Variants in PAPOLA observed in about 807,000 individuals in gnomAD.
PAPOLA encodes polynucleotide adenylyltransferase alpha.
PAPOLA carries 15 observed loss-of-function variants against 100.6 expected under a neutral mutation model. That is an observed-to-expected ratio of 0.15 (90% CI 0.10 to 0.23). The LOEUF (loss-of-function observed/expected upper bound fraction) is 0.23. PAPOLA is among the 10% of genes least tolerant of loss of function. The pLI, the probability that PAPOLA is intolerant of heterozygous loss-of-function variation, is 1.00. For missense variants in PAPOLA, 533 were observed against 884.2 expected, an observed-to-expected ratio of 0.60 and a Z score of 5.04; for synonymous variants, 293 against 300.0, an observed-to-expected ratio of 0.98 and a Z score of 0.24.
chr14:96,538,689 T>C (rs1409357668), intron 12 of PAPOLA, among the ~76,000 whole-genome samples: 1 of 152,038 alleles, frequency 6.6e-6, no homozygotes, highest in Non-Finnish European at 1.5e-5. Context: ...TATTTATATT[T>C]TTAATTGTTC....
chr14:96,567,004 GTTTGC>G lies in PAPOLA; in HGVS notation c.*1959_*1963del, dbSNP rs1442537062. The G allele has an allele frequency of 6.6e-6, 1 of 152,416 alleles. No individual in the cohort carries two copies. Among genetic ancestry groups the G allele is most frequent in the Non-Finnish European group, 1.5e-5 (1 of 67,980 alleles). 9.4% of individuals were successfully genotyped at this position (152,416 alleles called of 1,614,324 possible). A position where few individuals can be genotyped will look rare whatever the true frequency, so the allele number is the denominator to read the frequency against. On this transcript the variant is annotated 3_prime_UTR_variant, in exon 22 of 22. Coordinates refer to ENST00000216277, the MANE Select transcript of PAPOLA (RefSeq NM_032632.5). ...ATGTATGTAGTGTCTCATGACTGGA[GTTTGC>G]TTTGTTTTATAGTATCTGTACTCCT...
chr14:96,566,722 A>ATTCT lies in PAPOLA; in HGVS notation c.*1672_*1673insTTCT, dbSNP rs1902302970. Reference sequence around the variant, plus strand: ...TGCCCTTCCTTCCACCACCGAAGAAAAAAGATGGTCATACTAACAGGTGAA... The same window carrying ATTCT: ...TGCCCTTCCTTCCACCACCGAAGAAATTCTAAAGATGGTCATACTAACAGGTGAA... On this transcript the variant is annotated 3_prime_UTR_variant, in exon 22 of 22. Coordinates refer to ENST00000216277, the MANE Select transcript of PAPOLA (RefSeq NM_032632.5). 1 of 152,688 alleles carries ATTCT rather than the reference A, an allele frequency of 6.5e-6. No homozygotes were observed. Among genetic ancestry groups the ATTCT allele is most frequent in the East Asian group, 1.9e-4 (1 of 5,186 alleles). 9.5% of individuals were successfully genotyped at this position (152,688 alleles called of 1,614,324 possible).
chr14:96,560,658 A>G lies in PAPOLA; in HGVS notation c.2014A>G (p.Ser672Gly), dbSNP rs1286007733. The G allele has an allele frequency of 2.5e-6, 4 of 1,604,746 alleles. No homozygotes were observed. Among genetic ancestry groups the G allele is most frequent in the Non-Finnish European group, 3.4e-6 (4 of 1,173,928 alleles). Residue 672 changes from serine to glycine, a missense_variant, in exon 20 of 22, where the codon AGT (serine) becomes GGT (glycine). Around this residue, in one of 9 missense-constraint regions of PAPOLA, gnomAD observed 242 missense variants for 281.0 expected, o/e 0.86. Transcript: ENST00000216277. ...TTTTTTTTAAAAACAGGATGAAACA[A>G]GTGAAGATGCTAACTGTCTTGCTTT... ...KKTKTEEDET[S>G]EDANCLALSG...
intron 21 of PAPOLA, among the ~76,000 whole-genome samples, chr14:96,564,126 T>C (rs1902093749): frequency 6.6e-6 from 1 of 152,060 alleles, no homozygotes; most frequent in African/African-American, 2.4e-5. Context: ...GGCGTACTTA[T>C]TTCTGGGGAG....
intron 1 of PAPOLA, among the ~76,000 whole-genome samples, chr14:96,507,212 A>C (rs1896774510): frequency 6.6e-6 from 1 of 152,112 alleles, no homozygotes; most frequent in African/African-American, 2.4e-5. Context: ...TGGTTTAGCC[A>C]GAATTAAAGA....
chr14:96,531,537 T>C lies in PAPOLA; in HGVS notation c.558T>C (p.Asp186=), dbSNP rs148378172. 5,565 of 1,609,872 alleles carry C rather than the reference T, an allele frequency of 3.5e-3. 16 individuals are homozygous for C. The highest frequency in any genetic ancestry group is 4.4e-3 in the Non-Finnish European group (5,233 of 1,176,728). The change falls in exon 7 of 22, where the codon GAT becomes GAC. Residue 186 remains aspartate (D), a synonymous_variant. Transcript: ENST00000216277. The part of the protein sequence containing the change: ...QTIPEDLDLR[D]DSLLKNLDIR... ...TTCCTGAAGATTTGGATCTACGAGA[T>C]GACAGTCTGCTAAAAAATTTAGATA...
chr14:96,510,203 A>G (rs551771824), intron 1 of PAPOLA, among the ~76,000 whole-genome samples: 1 of 152,204 alleles, frequency 6.6e-6, no homozygotes, highest in Admixed American at 6.5e-5. Flanking sequence ...GTTGATCAAG[A>G]ATAGTGTTTG....
intron 12 of PAPOLA, chr14:96,537,576 C>T (rs944617097): frequency 6.5e-6 from 1 of 153,860 alleles, no homozygotes; most frequent in Non-Finnish European, 1.4e-5. Flanking sequence ...CTACAGCTAG[C>T]TTTCATGAAT....
At chr14:96,564,360 A>AT (rs1278784913) in intron 21 of PAPOLA, among the ~76,000 whole-genome samples, 10 of 151,996 alleles carry the variant, frequency 6.6e-5, no homozygotes, top group African/African-American at 2.4e-4. Context: ...TATGTTTGGA[A>AT]TTTTCCATAA....
intron 1 of PAPOLA, among the ~76,000 whole-genome samples, chr14:96,506,855 G>C (rs1438442059): frequency 6.6e-6 from 1 of 152,076 alleles, no homozygotes; most frequent in Non-Finnish European, 1.5e-5. Flanking sequence ...GAGTACCAAG[G>C]GCTTATTAAT....
rs1034760212 is a variant in PAPOLA at position 96,534,395 on chromosome 14, A to G, written c.837-96A>G. 6.3e-5 allele frequency: 97 copies of G among 1,543,426 alleles called. 1 individual carries two copies. The highest frequency in any genetic ancestry group is 1.5e-5 in the Non-Finnish European group (17 of 1,148,944). On this transcript the variant is annotated intron_variant, in intron 9 of 21. Transcript: ENST00000216277. Reference sequence around the variant, plus strand: ...TGTATGTACCAAGAAGGCAGAATGAAGAAGGATCACGTTCACAAATGCTGT... The same window carrying G: ...TGTATGTACCAAGAAGGCAGAATGAGGAAGGATCACGTTCACAAATGCTGT...
rs143678062 is a variant in PAPOLA at position 96,517,244 on chromosome 14, G to C, written c.9-2811G>C. Among the ~76,000 whole-genome samples the C allele has an allele frequency of 4.8e-3, 738 of 152,192 alleles. 9 individuals are homozygous for C. Among genetic ancestry groups the C allele is most frequent in the African/African-American group, 0.017 (711 of 41,504 alleles). On this transcript the variant is annotated intron_variant, in intron 1 of 21. Coordinates refer to ENST00000216277, the MANE Select transcript of PAPOLA (RefSeq NM_032632.5). ...ATTTATAAAAGCATTCATAATCCCA[G>C]GATAATTGTGAAGGACTGTAGTTTA...
intron 3 of PAPOLA, among the ~76,000 whole-genome samples, chr14:96,522,590 C>T (rs575444743): frequency 6.6e-6 from 1 of 152,106 alleles, no homozygotes; most frequent in African/African-American, 2.4e-5. Flanking sequence ...TTTTTTGTAG[C>T]GATGGCTTTT....
At chr14:96,549,087 T>TA (rs1431014062) in intron 16 of PAPOLA, among the ~76,000 whole-genome samples, 1 of 152,122 alleles carries the variant, frequency 6.6e-6, no homozygotes. Flanking sequence ...AGCCAATACA[T>TA]AAATACATGT....
chr14:96,547,740 T>A, intron 15 of PAPOLA, 57 bp from the exon 16 acceptor site: 2 of 1,378,580 alleles, frequency 1.5e-6, no homozygotes, highest in Non-Finnish European at 2.0e-6. Flanking sequence ...CTGGAGTGAG[T>A]ATAACTGCCT....
At chr14:96,536,133 A>G (rs1369019310) in intron 11 of PAPOLA, 134 bp downstream of exon 11, 7 of 603,536 alleles carry the variant, frequency 1.2e-5, no homozygotes, top group Non-Finnish European at 5.1e-6. Context: ...TATTTATTAC[A>G]GTATATATTT....
Position 96,520,128 on chromosome 14 carries a change from T to C in PAPOLA, c.82T>C (p.Leu28=), listed in dbSNP as rs781246795. The change falls in exon 2 of 22, where the codon TTA becomes CTA. Residue 28 remains leucine, a synonymous_variant. Transcript: ENST00000216277. The stretch of plus-strand genomic sequence containing the variant: ...CTATGGCATTACTTCTCCTATCAGC[T>C]TAGCAGCCCCCAAGGAGACTGACTG... ...KHYGITSPIS[L]AAPKETDCVL... 2.5e-6 allele frequency: 4 copies of C among 1,613,770 alleles called. No individual in the cohort carries two copies. The East Asian group carries it at 8.9e-5, about 36-fold the overall frequency.
At chr14:96,563,764 A>G (rs1332197125) in intron 21 of PAPOLA, among the ~76,000 whole-genome samples, 2 of 152,170 alleles carry the variant, frequency 1.3e-5, no homozygotes, top group African/African-American at 2.4e-5. Flanking sequence ...TACCTTTTCC[A>G]TAATCTAATA....
At chr14:96,554,386 C>G (rs963716257) in intron 17 of PAPOLA, among the ~76,000 whole-genome samples, 1 of 152,224 alleles carries the variant, frequency 6.6e-6, no homozygotes, top group African/African-American at 2.4e-5. Context: ...TGTTTATCCC[C>G]TCTTGATATT....
Sources: allele counts gnomAD v4.1 joint callset (sites outside exome capture counted in the v4.1 genomes callset), GRCh38; gene constraint gnomAD v4.1.1; regional missense constraint gnomAD v4.1.1; transcripts MANE v1.5; gene names NCBI Gene and HGNC (gene_info 2026-07-23, HGNC 2026-07-21).